The following KCNC2 variants were observed in gnomAD, a reference collection of about 807,000 sequenced individuals.
KCNC2 encodes voltage-gated potassium channel KCNC2.
KCNC2 carries 21 observed loss-of-function variants against 44.5 expected under a neutral mutation model. The ratio of observed to expected loss-of-function variants is 0.47; its 90% confidence interval spans 0.33 to 0.68. The LOEUF (loss-of-function observed/expected upper bound fraction) is 0.68. Ranked by LOEUF, KCNC2 falls within the 30% of genes least tolerant of loss-of-function variation. The pLI, the probability that KCNC2 is intolerant of heterozygous loss-of-function variation, is 0.01. For synonymous variants in KCNC2, 391 were observed against 339.1 expected (o/e 1.15, Z -1.68); for missense variants, 589 against 826.2 (o/e 0.71, Z 3.52).
intron 2 of KCNC2, among the ~76,000 whole-genome samples, chr12:75,070,451 CA>C (rs11304908): frequency 0.69 from 98,473 of 142,534 alleles, 34,298 homozygotes; most frequent in Non-Finnish European, 0.76. Flanking sequence ...AACTCCATCT[CA>C]AAAAAAAAAA....
intron 2 of KCNC2, among the ~76,000 whole-genome samples, chr12:75,138,979 T>TAAAAAAAAAA (rs373729570): frequency 1.6e-3 from 121 of 77,904 alleles, no homozygotes; most frequent in African/African-American, 4.6e-3. Flanking sequence ...AGACTCCGTG[T>TAAAAAAAAAA]AAAAAAAAAA....
chr12:75,040,943 T>G lies in KCNC2; in HGVS notation c.*2162A>C. 1 of 612,854 alleles carries G rather than the reference T, an allele frequency of 1.6e-6. No homozygotes were observed. Among genetic ancestry groups the G allele is most frequent in the Non-Finnish European group, 2.9e-6 (1 of 343,712 alleles). The allele number at this position is 612,854 out of a possible 1,614,324, so 38.0% of individuals were successfully genotyped here. On this transcript the variant is annotated 3_prime_UTR_variant, in exon 5 of 5. Transcript: ENST00000549446. ...CCAAGACTGTTGACCCATGCACACA[T>G]GTTGGTATTTACAGTTGTTTCATGG...
chr12:75,085,945 A>G (rs779624335), intron 2 of KCNC2, among the ~76,000 whole-genome samples: 3 of 151,944 alleles, frequency 2.0e-5, no homozygotes, highest in Non-Finnish European at 4.4e-5. Context: ...CTGATTTCCC[A>G]CCCTTTAAAT....
chr12:75,095,689 G>C (rs150597828), intron 2 of KCNC2, among the ~76,000 whole-genome samples: 1 of 151,696 alleles, frequency 6.6e-6, no homozygotes, highest in South Asian at 2.1e-4. Flanking sequence ...TGTTAAATTG[G>C]GTGAACAGCT....
At position 75,181,916 on chromosome 12, in the gene KCNC2, C is replaced by CTTTTT. The variant is rs61089425; in HGVS notation, c.687+25376_687+25380dup. ...AAACATTATTACTATTAATATCTTC[C>CTTTTT]TTTTTTTTTTTTTTTTTTTTTTTTT... On this transcript the variant is annotated intron_variant, in intron 2 of 4. Coordinates refer to ENST00000549446, the MANE Select transcript of KCNC2 (RefSeq NM_139137.4). Among the ~76,000 whole-genome samples the CTTTTT allele has an allele frequency of 1.1e-3, 52 of 47,876 alleles. 14 individuals are homozygous for CTTTTT. The highest frequency in any genetic ancestry group is 3.8e-3 in the South Asian group (4 of 1,040). The allele number at this position is 47,876 out of a possible 152,430, so 31.4% of individuals were successfully genotyped here. A position where few individuals can be genotyped will look rare whatever the true frequency, so the allele number is the denominator to read the frequency against.
intron 2 of KCNC2, among the ~76,000 whole-genome samples, chr12:75,171,174 A>C (rs1476274173): frequency 6.6e-6 from 1 of 151,766 alleles, no homozygotes; most frequent in East Asian, 1.9e-4. Flanking sequence ...TACCCTTGAT[A>C]ATCTCCTTTT....
intron 2 of KCNC2, among the ~76,000 whole-genome samples, chr12:75,201,254 C>A (rs1424246827): frequency 3.1e-5 from 1 of 32,250 alleles, no homozygotes; most frequent in Admixed American, 5.2e-4. Context: ...AAGTTACAAA[C>A]GAAATTGGAA....
chr12:75,114,816 A>T (rs1887523927), intron 2 of KCNC2, among the ~76,000 whole-genome samples: 1 of 145,878 alleles, frequency 6.9e-6, no homozygotes, highest in Non-Finnish European at 1.5e-5. Flanking sequence ...GTGTTGCCTT[A>T]GTCCTTTCTC....
chr12:75,115,223 T>C (rs564367822), intron 2 of KCNC2, among the ~76,000 whole-genome samples: 55 of 152,324 alleles, frequency 3.6e-4, no homozygotes, highest in African/African-American at 1.3e-3. Context: ...CCAAATGTCA[T>C]TGCACTTAGA....
intron 2 of KCNC2, among the ~76,000 whole-genome samples, chr12:75,169,806 T>C (rs994255715): frequency 6.6e-6 from 1 of 151,636 alleles, no homozygotes; most frequent in Non-Finnish European, 1.5e-5. Context: ...AGCATCTACA[T>C]CTTTTTCTCT....
rs562145396 is a variant in KCNC2, at chr12:75,202,431, G to A, written c.687+4866C>T. On this transcript the variant is annotated intron_variant, in intron 2 of 4. Transcript: ENST00000549446. ...ATTTATTTATAAGCCTTTTGACCCT[G>A]AAAAGGTCAAAAGACACTTCAATGC... Among the ~76,000 whole-genome samples the A allele has an allele frequency of 1.1e-3, 160 of 151,854 alleles. 1 individual carries two copies. The highest frequency in any genetic ancestry group is 1.4e-3 in the Non-Finnish European group (97 of 67,726).
intron 2 of KCNC2, among the ~76,000 whole-genome samples, chr12:75,108,666 C>A (rs1392113080): frequency 1.3e-5 from 2 of 152,220 alleles, no homozygotes; most frequent in Non-Finnish European, 2.9e-5. Context: ...TCCCCTCAAG[C>A]CCTCAGAGCT....
At chr12:75,152,373 T>C (rs1206538507) in intron 2 of KCNC2, among the ~76,000 whole-genome samples, 1 of 151,694 alleles carries the variant, frequency 6.6e-6, no homozygotes, top group Non-Finnish European at 1.5e-5. Context: ...GGTTTCCAAA[T>C]AATAATAGAA....
chr12:75,181,227 A>G (rs1892551186), intron 2 of KCNC2, among the ~76,000 whole-genome samples: 1 of 152,188 alleles, frequency 6.6e-6, no homozygotes, highest in Non-Finnish European at 1.5e-5. Flanking sequence ...ATGAAAGGAA[A>G]AAAAACAGTA....
At chr12:75,108,145 T>C (rs1038458983) in intron 2 of KCNC2, among the ~76,000 whole-genome samples, 2 of 152,168 alleles carry the variant, frequency 1.3e-5, no homozygotes, top group African/African-American at 2.4e-5. Flanking sequence ...TTTTCCACCT[T>C]CCACTTTATG....
At chr12:75,184,039 T>C (rs1000610117) in intron 2 of KCNC2, among the ~76,000 whole-genome samples, 2 of 152,142 alleles carry the variant, frequency 1.3e-5, no homozygotes, top group Non-Finnish European at 2.9e-5. Context: ...CTCCATCCTA[T>C]TCCCTACTGT....
At chr12:75,064,517 G>C (rs186806154) in intron 2 of KCNC2, among the ~76,000 whole-genome samples, 1 of 152,108 alleles carries the variant, frequency 6.6e-6, no homozygotes, top group African/African-American at 2.4e-5. Context: ...AATTGTGGCA[G>C]GAAGACTGAA....
chr12:75,136,908 T>G (rs890239961), intron 2 of KCNC2, among the ~76,000 whole-genome samples: 4 of 152,150 alleles, frequency 2.6e-5, no homozygotes, highest in Non-Finnish European at 5.9e-5. Flanking sequence ...GCAATACCTT[T>G]GCTTTACTCT....
intron 2 of KCNC2, among the ~76,000 whole-genome samples, chr12:75,182,787 T>C (rs1452741492): frequency 2.6e-5 from 4 of 152,172 alleles, no homozygotes; most frequent in African/African-American, 9.7e-5. Context: ...ACATTCACAC[T>C]AAGTGGGATA....
Sources: allele counts gnomAD v4.1 joint callset (sites outside exome capture counted in the v4.1 genomes callset), GRCh38; gene constraint gnomAD v4.1.1; transcripts MANE v1.5; gene names NCBI Gene and HGNC (gene_info 2026-07-23, HGNC 2026-07-21).